Variants in ISM2 observed in about 807,000 individuals in gnomAD.
ISM2 encodes isthmin 2.
A neutral mutation model predicts 58.0 loss-of-function variants in ISM2; 50 were observed. The observed-to-expected ratio is 0.86, with a 90% CI of 0.69 to 1.09. The LOEUF (loss-of-function observed/expected upper bound fraction) is 1.09, where lower values mean the gene tolerates loss of function less well. Among genes scored for constraint, ISM2 ranks in the 50% least tolerant of loss-of-function variants. The pLI, the probability that ISM2 is intolerant of heterozygous loss-of-function variation, is 0.00. For synonymous variants in ISM2, 303 were observed against 312.4 expected, an observed-to-expected ratio of 0.97 and a Z score of 0.32; for missense variants, 723 against 745.0, an observed-to-expected ratio of 0.97 and a Z score of 0.34.
At chr14:77,484,162 C>T (rs996390467) in intron 3 of ISM2, 161 bp downstream of exon 3, 7 of 887,416 alleles carry the variant, frequency 7.9e-6, no homozygotes, top group Non-Finnish European at 1.2e-5. Context: ...AGGTCCTCTG[C>T]CCCCTACACC....
At chr14:77,489,403 T>C (rs1172413441) in intron 1 of ISM2, among the ~76,000 whole-genome samples, 1 of 152,062 alleles carries the variant, frequency 6.6e-6, no homozygotes, top group African/African-American at 2.4e-5. Context: ...AGACCCTGCA[T>C]ACAACACAGC....
intron 3 of ISM2, among the ~76,000 whole-genome samples, chr14:77,483,371 A>G (rs933622477): frequency 6.6e-6 from 1 of 152,130 alleles, no homozygotes; most frequent in African/African-American, 2.4e-5. Flanking sequence ...CAGCCTGGCC[A>G]ACATGGTGAA....
intron 1 of ISM2, among the ~76,000 whole-genome samples, chr14:77,489,157 C>T (rs777067815): frequency 2.0e-5 from 3 of 152,184 alleles, no homozygotes; most frequent in South Asian, 2.1e-4. Flanking sequence ...TGCGTGAGCC[C>T]GCCTGCTAAC....
At position 77,478,672 on chromosome 14, in the gene ISM2, A is replaced by C; in HGVS notation, c.1017T>G (p.Ser339Arg). The change falls in exon 5 of 7, where the codon AGT becomes AGG. Residue 339 changes from serine (S) to arginine (R), a missense_variant. Coordinates refer to ENST00000342219, the MANE Select transcript of ISM2 (RefSeq NM_199296.3). ...GCTGCTTGCCAGTGCTGCAGTTCCC[A>C]CTGCAGGGAGACCAGGGACTCCACT... is the stretch of plus-strand genomic sequence containing the variant. ...QKEWSPWSPCSGNCSTGKQQR... is the reference protein window; with the variant it reads ...QKEWSPWSPCRGNCSTGKQQR... 6.2e-7 allele frequency: 1 copy of C among 1,613,646 alleles called. No individual in the cohort carries two copies. Among genetic ancestry groups the C allele is most frequent in the Non-Finnish European group, 8.5e-7 (1 of 1,179,632 alleles).
intron 1 of ISM2, among the ~76,000 whole-genome samples, chr14:77,497,681 G>C (rs985207554): frequency 6.7e-6 from 1 of 149,174 alleles, no homozygotes; most frequent in African/African-American, 2.5e-5. Flanking sequence ...GTGACAGAGA[G>C]AGATCCTGTC....
At chr14:77,496,213 G>A (rs939190768) in intron 1 of ISM2, among the ~76,000 whole-genome samples, 2 of 151,714 alleles carry the variant, frequency 1.3e-5, no homozygotes, top group African/African-American at 2.4e-5. Context: ...ATTCAGCCGG[G>A]CATGGTGGCT....
rs1452449485 is a variant in ISM2, at chr14:77,478,317, C to T, written c.1123G>A (p.Asp375Asn). 6.2e-7 allele frequency: 1 copy of T among 1,613,902 alleles called. No homozygotes were observed. The highest frequency in any genetic ancestry group is 8.5e-7 in the Non-Finnish European group (1 of 1,179,900). Residue 375 changes from aspartate (D) to asparagine (N), a missense_variant, in exon 6 of 7, where the codon GAC becomes AAC. Transcript: ENST00000342219. ...CDLPSCPGTE[D>N]KDTLGLPSEE... ...CTGGGGAGGCCCAAGGTGTCCTTGTCCTCAGTGCCTTTGGGAGGAAAGGAG... is the reference window on the plus strand; with the variant it reads ...CTGGGGAGGCCCAAGGTGTCCTTGTTCTCAGTGCCTTTGGGAGGAAAGGAG...
chr14:77,491,337 G>A (rs1200034343), intron 1 of ISM2, among the ~76,000 whole-genome samples: 4 of 152,204 alleles, frequency 2.6e-5, no homozygotes, highest in African/African-American at 9.7e-5. Flanking sequence ...CTCCAGGTGG[G>A]ACAGTCTTTG....
chr14:77,478,526 G>A (rs1209881613), intron 5 of ISM2, 49 bp downstream of exon 5: 2 of 1,591,586 alleles, frequency 1.3e-6, no homozygotes, highest in South Asian at 2.2e-5. Flanking sequence ...CAAGCCTCCA[G>A]CCTAAGCCGC....
chr14:77,484,217 C>G (rs920777692), intron 3 of ISM2, 106 bp downstream of exon 3: 1 of 1,441,332 alleles, frequency 6.9e-7, no homozygotes, highest in Admixed American at 2.1e-5. Context: ...CACACAGCAG[C>G]CCCACCCTCC....
At chr14:77,482,965 T>C in intron 3 of ISM2, 1 of 295,736 alleles carries the variant, frequency 3.4e-6, no homozygotes, top group Non-Finnish European at 6.2e-6. Context: ...CATGCCAGGG[T>C]TGACACTCAC....
At chr14:77,492,536 T>C (rs866056146) in intron 1 of ISM2, among the ~76,000 whole-genome samples, 25 of 98,268 alleles carry the variant, frequency 2.5e-4, no homozygotes, top group African/African-American at 6.7e-4. Context: ...TTTTTTTTTT[T>C]CAAGACAGGG....
At chr14:77,478,854 ATTT>A in intron 4 of ISM2, 139 bp from the exon 5 acceptor site, 2 of 827,618 alleles carry the variant, frequency 2.4e-6, no homozygotes, top group Admixed American at 2.6e-5. Flanking sequence ...GCTGGGCTGG[ATTT>A]CAGCTTCCAC....
chr14:77,484,674 C>T lies in ISM2; in HGVS notation c.384+3G>A. The stretch of plus-strand genomic sequence containing the variant: ...GAGCTGCTGGCCCTTCTGTAGCTCT[C>T]ACCTGGGTATCAGGGTTAGGGGTAC... On this transcript the variant is annotated splice_donor_region_variant and intron_variant, in intron 2 of 6. Coordinates refer to ENST00000342219, the MANE Select transcript of ISM2 (RefSeq NM_199296.3). 1 of 1,608,322 alleles carries T rather than the reference C, an allele frequency of 6.2e-7. No homozygotes were observed. The highest frequency in any genetic ancestry group is 8.5e-7 in the Non-Finnish European group (1 of 1,178,548).
Position 77,477,961 on chromosome 14 carries a change from C to G in ISM2, c.1198+281G>C, listed in dbSNP as rs1316246554. Among the ~76,000 whole-genome samples, 3 of 152,196 alleles carry G rather than the reference C, an allele frequency of 2.0e-5. No individual in the cohort carries two copies. The East Asian group carries it at 5.8e-4, about 29-fold the overall frequency. ...GAATGGAAGTCAGAACGTCCCCACC[C>G]TATCCTGCTGCCAGGGAGGATAGGA... On this transcript the variant is annotated intron_variant, in intron 6 of 6. Coordinates refer to ENST00000342219, the MANE Select transcript of ISM2 (RefSeq NM_199296.3).
At chr14:77,496,195 A>AC (rs1282407038) in intron 1 of ISM2, among the ~76,000 whole-genome samples, 14 of 151,408 alleles carry the variant, frequency 9.2e-5, no homozygotes, top group Admixed American at 5.9e-4. Flanking sequence ...CCAAAAAAAA[A>AC]AAAAAAAATT....
chr14:77,484,581 G>C lies in ISM2; in HGVS notation c.385-16C>G, dbSNP rs1317310191. Reference sequence around the variant, plus strand: ...AGGCTGAAGCCTGAGGAAGAGAGAGGGAAGGTGAGGTGACAGGTTAGGGCT... The same window carrying C: ...AGGCTGAAGCCTGAGGAAGAGAGAGCGAAGGTGAGGTGACAGGTTAGGGCT... On this transcript the variant is annotated splice_polypyrimidine_tract_variant and intron_variant, in intron 2 of 6. Coordinates refer to ENST00000342219, the MANE Select transcript of ISM2 (RefSeq NM_199296.3). The C allele has an allele frequency of 6.2e-7, 1 of 1,603,438 alleles. No homozygotes were observed. The highest frequency in any genetic ancestry group is 1.1e-5 in the South Asian group (1 of 90,252).
At chr14:77,484,205 C>T in intron 3 of ISM2, 118 bp downstream of exon 3, 1 of 1,352,158 alleles carries the variant, frequency 7.4e-7, no homozygotes, top group Non-Finnish European at 1.0e-6. Context: ...GCCCTCTGAC[C>T]CCACACAGCA....
chr14:77,484,922 G>A lies in ISM2; in HGVS notation c.142-3C>T, dbSNP rs201051310. The A allele has an allele frequency of 6.5e-7, 1 of 1,538,680 alleles. No homozygotes were observed. Among genetic ancestry groups the A allele is most frequent in the Non-Finnish European group, 8.7e-7 (1 of 1,144,958 alleles). On this transcript the variant is annotated splice_region_variant and splice_polypyrimidine_tract_variant and intron_variant, in intron 1 of 6. Coordinates refer to ENST00000342219, the MANE Select transcript of ISM2 (RefSeq NM_199296.3). The stretch of plus-strand genomic sequence containing the variant: ...CTAGGATCTGGGGAGGCTGAGACCT[G>A]AGGGAGAGAGAAGGAAGGTAAGGTA...
Sources: gnomAD v4.1 joint callset for allele counts (sites outside exome capture counted in the v4.1 genomes callset) on GRCh38, gnomAD v4.1.1 for gene constraint, MANE v1.5 for transcripts, NCBI Gene and HGNC (gene_info 2026-07-23, HGNC 2026-07-21) for gene names.